The following UBE2E2 variants were observed in gnomAD, a reference collection of about 807,000 sequenced individuals.
UBE2E2 encodes ubiquitin conjugating enzyme E2 E2.
In UBE2E2, 6 loss-of-function variants were observed where a neutral mutation model predicts 24.7. That is an observed-to-expected ratio of 0.24 (90% CI 0.13 to 0.48). The LOEUF is 0.48. Ranked by LOEUF, UBE2E2 falls within the 20% of genes least tolerant of loss-of-function variation. UBE2E2 has a pLI of 0.99. For missense variants in UBE2E2, 169 were observed against 245.0 expected (o/e 0.69, Z 2.07); for synonymous variants, 104 against 83.6 (o/e 1.24, Z -1.33).
chr3:23,383,077 G>A (rs1696715518), intron 3 of UBE2E2, among the ~76,000 whole-genome samples: 1 of 152,174 alleles, frequency 6.6e-6, no homozygotes, highest in African/African-American at 2.4e-5. Flanking sequence ...TGAATAATGA[G>A]TTTAAAGGAA....
intron 4 of UBE2E2, among the ~76,000 whole-genome samples, chr3:23,530,964 G>T (rs1310242191): frequency 1.3e-5 from 2 of 152,118 alleles, no homozygotes; most frequent in Non-Finnish European, 2.9e-5. Context: ...TCCCCTTACA[G>T]ATTTTGCTAT....
intron 3 of UBE2E2, among the ~76,000 whole-genome samples, chr3:23,312,800 C>T (rs938260854): frequency 6.6e-6 from 1 of 152,062 alleles, no homozygotes; most frequent in Non-Finnish European, 1.5e-5. Context: ...TTTTCATTAT[C>T]ATTTGTTTCA....
In UBE2E2 at chr3:23,317,480, T is replaced by G. The variant is rs1479153974; in HGVS notation, c.227+100168T>G. Among the ~76,000 whole-genome samples, 3 of 152,206 alleles carry G rather than the reference T, an allele frequency of 2.0e-5. No homozygotes were observed. In the South Asian group the frequency reaches 6.2e-4, roughly 32 times the overall value. ...TGGTGGATGGGGAGGTGTATTAGTC[T>G]GTTTTCACACTGCTGATAATAACAT... is the stretch of plus-strand genomic sequence containing the variant. On this transcript the variant is annotated intron_variant, in intron 3 of 5. Transcript: ENST00000396703.
intron 3 of UBE2E2, among the ~76,000 whole-genome samples, chr3:23,276,668 A>G (rs1698380969): frequency 6.6e-6 from 1 of 152,132 alleles, no homozygotes; most frequent in African/African-American, 2.4e-5. Context: ...AATCACAAGT[A>G]GAGTGTGGGT....
At chr3:23,542,201 A>T (rs1170455068) in intron 5 of UBE2E2, among the ~76,000 whole-genome samples, 5 of 152,140 alleles carry the variant, frequency 3.3e-5, no homozygotes, top group Non-Finnish European at 4.4e-5. Context: ...GTATTTTTTA[A>T]TCTTGGTAAT....
At chr3:23,348,724 T>G (rs1323950745) in intron 3 of UBE2E2, among the ~76,000 whole-genome samples, 1 of 152,120 alleles carries the variant, frequency 6.6e-6, no homozygotes, top group Admixed American at 6.6e-5. Context: ...TCCCTTTATC[T>G]TAGAGGTGAA....
intron 3 of UBE2E2, among the ~76,000 whole-genome samples, chr3:23,368,491 T>C (rs772472376): frequency 6.6e-6 from 1 of 152,196 alleles, no homozygotes; most frequent in Non-Finnish European, 1.5e-5. Context: ...CACTATGTCT[T>C]TCTTTGGTTT....
chr3:23,493,515 A>G (rs1699542124), intron 3 of UBE2E2, among the ~76,000 whole-genome samples: 1 of 152,234 alleles, frequency 6.6e-6, no homozygotes. Context: ...TAACTATGAA[A>G]GCTTTAGGTT....
intron 1 of UBE2E2, among the ~76,000 whole-genome samples, chr3:23,208,387 A>G (rs1475687435): frequency 2.0e-5 from 3 of 152,102 alleles, no homozygotes; most frequent in Admixed American, 6.6e-5. Flanking sequence ...TGAATATACT[A>G]CTATATTTTG....
Position 23,591,045 on chromosome 3 carries a change from A to G in UBE2E2, c.*1214A>G, listed in dbSNP as rs903475830. Reference sequence around the variant, plus strand: ...TAGCAAAAGAAGTAAACTCAACTGTATTGGTCACGGTCAGCCCATTCAATG... The same window carrying G: ...TAGCAAAAGAAGTAAACTCAACTGTGTTGGTCACGGTCAGCCCATTCAATG... On this transcript the variant is annotated 3_prime_UTR_variant, in exon 6 of 6. Transcript: ENST00000396703. 6.6e-6 allele frequency: 1 copy of G among 152,266 alleles called. No individual in the cohort carries two copies. The highest frequency in any genetic ancestry group is 1.9e-4 in the East Asian group (1 of 5,188). The allele number at this position is 152,266 out of a possible 1,614,324, so 9.4% of individuals were successfully genotyped here.
chr3:23,332,718 T>TGTGTGTGC (rs1491331498), intron 3 of UBE2E2, among the ~76,000 whole-genome samples: 1 of 148,260 alleles, frequency 6.7e-6, no homozygotes, highest in African/African-American at 2.5e-5. Flanking sequence ...TGTGTGTGTG[T>TGTGTGTGC]GCAGCTATGG....
rs201237807 is a variant in UBE2E2, at chr3:23,258,669, A to G, written c.227+41357A>G. ...ACCACGTTGGGAGGCCGAGGCGGGC[A>G]GATCACGAGCTCAGGAGATGGAGAC... On this transcript the variant is annotated intron_variant, in intron 3 of 5. Coordinates refer to ENST00000396703, the MANE Select transcript of UBE2E2 (RefSeq NM_152653.4). Among the ~76,000 whole-genome samples, 48 of 152,208 alleles carry G rather than the reference A, an allele frequency of 3.2e-4. No individual in the cohort carries two copies. In the East Asian group the frequency reaches 8.3e-3, roughly 26 times the overall value.
chr3:23,264,826 T>C (rs1279661635), intron 3 of UBE2E2, among the ~76,000 whole-genome samples: 1 of 152,216 alleles, frequency 6.6e-6, no homozygotes, highest in Non-Finnish European at 1.5e-5. Context: ...ATTCATATTA[T>C]TAAGCTTGCA....
chr3:23,443,665 G>A (rs1698355856), intron 3 of UBE2E2, among the ~76,000 whole-genome samples: 1 of 152,214 alleles, frequency 6.6e-6, no homozygotes, highest in African/African-American at 2.4e-5. Context: ...GCAGGGAACT[G>A]TCAGATGTAC....
chr3:23,525,437 T>A (rs1694972841), intron 4 of UBE2E2, among the ~76,000 whole-genome samples: 1 of 152,212 alleles, frequency 6.6e-6, no homozygotes, highest in African/African-American at 2.4e-5. Flanking sequence ...GAATTAGCCA[T>A]TCTAAATAAA....
intron 5 of UBE2E2, among the ~76,000 whole-genome samples, chr3:23,556,140 C>CT (rs71057604): frequency 0.061 from 5,606 of 92,326 alleles, 421 homozygotes; most frequent in Non-Finnish European, 0.081. Context: ...AATATACAAA[C>CT]TTTTTTTTTT....
intron 3 of UBE2E2, among the ~76,000 whole-genome samples, chr3:23,409,623 A>G (rs1298120572): frequency 2.0e-5 from 3 of 152,168 alleles, no homozygotes; most frequent in Non-Finnish European, 4.4e-5. Flanking sequence ...TTCCTTAAGA[A>G]TCTGTATTAA....
chr3:23,353,092 A>G (rs1235874560), intron 3 of UBE2E2, among the ~76,000 whole-genome samples: 2 of 152,254 alleles, frequency 1.3e-5, no homozygotes, highest in Non-Finnish European at 2.9e-5. Flanking sequence ...ATGCAAATCA[A>G]TAAATGTACT....
rs561829889 is a variant in UBE2E2, at chr3:23,539,010, A to G, written c.508+6309A>G. On this transcript the variant is annotated intron_variant, in intron 5 of 5. Transcript: ENST00000396703. ...TCTAGGAAATACTGAATGAGAAAGG[A>G]AAGCCAAAATTACCCCATTGTAGGC... is the stretch of plus-strand genomic sequence containing the variant. Among the ~76,000 whole-genome samples the G allele has an allele frequency of 4.4e-4, 67 of 152,300 alleles. 1 individual carries two copies. Among genetic ancestry groups the G allele is most frequent in the African/African-American group, 1.6e-3 (65 of 41,574 alleles).
Sources: gnomAD v4.1 joint callset for allele counts (sites outside exome capture counted in the v4.1 genomes callset) on GRCh38, gnomAD v4.1.1 for gene constraint, MANE v1.5 for transcripts, NCBI Gene and HGNC (gene_info 2026-07-23, HGNC 2026-07-21) for gene names.